Variants in RPN2 observed in about 807,000 individuals in gnomAD.
The protein encoded by RPN2 is ribophorin II.
RPN2 carries 29 observed loss-of-function variants against 71.4 expected under a neutral mutation model. That is an observed-to-expected ratio of 0.41 (90% confidence interval 0.30 to 0.55). The LOEUF (loss-of-function observed/expected upper bound fraction) is 0.55. Ranked by LOEUF, RPN2 falls within the 20% of genes least tolerant of loss-of-function variation. The probability of loss-of-function intolerance (pLI) is 0.35; values close to 1 mark genes in which losing one functional copy is unlikely to be tolerated. For missense variants in RPN2, 726 were observed against 774.1 expected (o/e 0.94, Z 0.74); for synonymous variants, 308 against 305.0 (o/e 1.01, Z -0.10).
chr20:37,189,311 CTGTGTGTGTGTATGTGTGTG>C (rs1477655977), intron 2 of RPN2, among the ~76,000 whole-genome samples: 67 of 115,296 alleles, frequency 5.8e-4, no homozygotes, highest in African/African-American at 1.5e-3. Flanking sequence ...ATGGGCCAAA[CTGTGTGTGTGTATGTGTGTG>C]TGTGTGTGTG....
In RPN2 at chr20:37,211,628, C is replaced by T. The variant is rs190018890; in HGVS notation, c.986+1463C>T. Among the ~76,000 whole-genome samples the T allele has an allele frequency of 5.8e-3, 779 of 134,884 alleles. 2 individuals carry two copies. Among genetic ancestry groups the T allele is most frequent in the Non-Finnish European group, 8.5e-3 (540 of 63,346 alleles). 88.5% of individuals were successfully genotyped at this position (134,884 alleles called of 152,430 possible). ...TTGCACTCCAGCCTGGGCGACAGAG[C>T]GAGGCTCCATCTCTATTAAAAAAAA... On this transcript the variant is annotated intron_variant, in intron 8 of 16. Coordinates refer to ENST00000237530, the MANE Select transcript of RPN2 (RefSeq NM_002951.5).
intron 2 of RPN2, among the ~76,000 whole-genome samples, chr20:37,195,591 A>T (rs987247020): frequency 6.6e-6 from 1 of 152,232 alleles, no homozygotes; most frequent in African/African-American, 2.4e-5. Flanking sequence ...ATTGGGGATT[A>T]AATGAGAAAT....
chr20:37,237,262 C>G (rs1379455405), intron 16 of RPN2, among the ~76,000 whole-genome samples: 1 of 152,222 alleles, frequency 6.6e-6, no homozygotes, highest in Admixed American at 6.5e-5. Flanking sequence ...GATGGTCAGA[C>G]AGACCTTGAC....
At chr20:37,196,232 C>T (rs184295194) in intron 2 of RPN2, among the ~76,000 whole-genome samples, 2 of 148,968 alleles carry the variant, frequency 1.3e-5, no homozygotes, top group African/African-American at 2.5e-5. Flanking sequence ...GTCTCCCCCC[C>T]ACCTTTTTTT....
intron 4 of RPN2, among the ~76,000 whole-genome samples, chr20:37,201,136 C>G (rs2268039): frequency 6.6e-6 from 1 of 151,208 alleles, no homozygotes; most frequent in African/African-American, 2.4e-5. Context: ...AAGACCCTAG[C>G]GCAGTGCCTG....
Position 37,230,270 on chromosome 20 carries a change from T to C in RPN2, c.1581+211T>C, listed in dbSNP as rs532724696. Among the ~76,000 whole-genome samples the C allele has an allele frequency of 2.6e-5, 4 of 152,054 alleles. No individual in the cohort carries two copies. The East Asian group carries it at 7.7e-4, about 29-fold the overall frequency. On this transcript the variant is annotated intron_variant, in intron 13 of 16. Coordinates refer to ENST00000237530, the MANE Select transcript of RPN2 (RefSeq NM_002951.5). ...TGACTAACCCCCAGAAAGCAGAGAG[T>C]TGAAGATGAAATCAGAACCTGAGTC...
At position 37,229,028 on chromosome 20, in the gene RPN2, C is replaced by T. The variant is rs144922890; in HGVS notation, c.1494+284C>T. On this transcript the variant is annotated intron_variant, in intron 12 of 16. Coordinates refer to ENST00000237530, the MANE Select transcript of RPN2 (RefSeq NM_002951.5). The stretch of plus-strand genomic sequence containing the variant: ...TTCTATAAACATTATACAGGAAGGC[C>T]GTTTTCATATTATAGCAGGCACTAT... Among the ~76,000 whole-genome samples, 1,037 of 152,188 alleles carry T rather than the reference C, an allele frequency of 6.8e-3. 8 individuals carry two copies. Among genetic ancestry groups the T allele is most frequent in the Non-Finnish European group, 0.011 (757 of 68,016 alleles).
intron 2 of RPN2, among the ~76,000 whole-genome samples, chr20:37,195,999 T>C (rs952358741): frequency 3.9e-5 from 6 of 151,928 alleles, no homozygotes; most frequent in African/African-American, 1.4e-4. Flanking sequence ...AAATAGCTGT[T>C]AGTGAAAGGC....
Position 37,184,133 on chromosome 20 carries a change from C to T in RPN2, c.14-47C>T, listed in dbSNP as rs753794559. 11 of 1,604,550 alleles carry T rather than the reference C, an allele frequency of 6.9e-6. No homozygotes were observed. The East Asian group carries it at 1.6e-4, about 23-fold the overall frequency. ...GCATCATCATTGGGACTGTGTATAG[C>T]ACCTTGGAAGAGTGTAGAGTGTACT... On this transcript the variant is annotated intron_variant, in intron 1 of 16. Coordinates refer to ENST00000237530, the MANE Select transcript of RPN2 (RefSeq NM_002951.5).
rs748226554 is a variant in RPN2 at position 37,181,431 on chromosome 20, C to CT, written c.13+2080dup. ...AATGTTTGCATTTGGTTTTTCTTTTCTTTTTTTTTTTTTTTTTTGAGACAG... is the reference window on the plus strand; with the variant it reads ...AATGTTTGCATTTGGTTTTTCTTTTCTTTTTTTTTTTTTTTTTTTGAGACAG... On this transcript the variant is annotated intron_variant, in intron 1 of 16. Coordinates refer to ENST00000237530, the MANE Select transcript of RPN2 (RefSeq NM_002951.5). Among the ~76,000 whole-genome samples, 1,129 of 129,422 alleles carry CT rather than the reference C, an allele frequency of 8.7e-3. 7 individuals are homozygous for CT. Among genetic ancestry groups the CT allele is most frequent in the African/African-American group, 0.017 (591 of 34,842 alleles). The allele number at this position is 129,422 out of a possible 152,430, so 84.9% of individuals were successfully genotyped here.
intron 4 of RPN2, 145 bp from the exon 5 acceptor site, chr20:37,203,740 A>G: frequency 1.4e-6 from 1 of 710,968 alleles, no homozygotes. Context: ...TAACTGGATT[A>G]TAAGTAAACT....
chr20:37,184,537 A>T (rs1243207407), intron 2 of RPN2, among the ~76,000 whole-genome samples, 164 bp downstream of exon 2: 1 of 152,200 alleles, frequency 6.6e-6, no homozygotes. Context: ...TCACGCCTGT[A>T]ATGCCAGCAC....
chr20:37,189,594 C>T (rs777911432), intron 2 of RPN2, among the ~76,000 whole-genome samples: 19 of 152,282 alleles, frequency 1.2e-4, no homozygotes, highest in Non-Finnish European at 2.5e-4. Flanking sequence ...AAGATACAGA[C>T]GTTTCCTCAT....
intron 7 of RPN2, among the ~76,000 whole-genome samples, chr20:37,208,419 G>T (rs561939691): frequency 1.3e-5 from 2 of 151,960 alleles, no homozygotes; most frequent in South Asian, 2.1e-4. Context: ...TTTTGTTTTG[G>T]TTTTTTTTGA....
chr20:37,209,512 C>G (rs2067602899), intron 7 of RPN2, among the ~76,000 whole-genome samples: 1 of 150,730 alleles, frequency 6.6e-6, no homozygotes, highest in Non-Finnish European at 1.5e-5. Flanking sequence ...CCTCTGTTTT[C>G]CAGGCTGGAG....
intron 2 of RPN2, among the ~76,000 whole-genome samples, chr20:37,191,338 G>C (rs965569187): frequency 3.9e-5 from 6 of 152,128 alleles, no homozygotes; most frequent in East Asian, 3.9e-4. Context: ...TTAGCTGGGC[G>C]TGGTGGGCAT....
chr20:37,221,794 C>T (rs1486219942), intron 9 of RPN2, among the ~76,000 whole-genome samples: 1 of 152,252 alleles, frequency 6.6e-6, no homozygotes, highest in Non-Finnish European at 1.5e-5. Context: ...CCCATCAAGC[C>T]TCCTCCTCAG....
intron 1 of RPN2, among the ~76,000 whole-genome samples, chr20:37,182,540 G>A (rs1236659081): frequency 1.3e-5 from 2 of 151,960 alleles, no homozygotes; most frequent in Admixed American, 6.6e-5. Flanking sequence ...ACAGGCACAC[G>A]CCACCATGCC....
At position 37,241,330 on chromosome 20, in the gene RPN2, T is replaced by C; in HGVS notation, c.*15T>C. ...CAGCACATTAGTTCCAGAAGAAAGA[T>C]GGAAATTCTGAAAACTGAATGTCAA... On this transcript the variant is annotated 3_prime_UTR_variant, in exon 17 of 17. Transcript: ENST00000237530. The C allele has an allele frequency of 6.2e-7, 1 of 1,612,464 alleles. No individual in the cohort carries two copies. The highest frequency in any genetic ancestry group is 8.5e-7 in the Non-Finnish European group (1 of 1,179,142).
Sources: gnomAD v4.1 joint callset for allele counts (sites outside exome capture counted in the v4.1 genomes callset) on GRCh38, gnomAD v4.1.1 for gene constraint, MANE v1.5 for transcripts, NCBI Gene and HGNC (gene_info 2026-07-23, HGNC 2026-07-21) for gene names.